PTPRD: variants seen among roughly 807,000 people sequenced by gnomAD.
PTPRD encodes the protein protein tyrosine phosphatase receptor type D.
A neutral mutation model predicts 214.5 loss-of-function variants in PTPRD; 34 were observed. The observed-to-expected ratio is 0.16, with a 90% CI of 0.12 to 0.21. PTPRD has a LOEUF of 0.21. Ranked by LOEUF, PTPRD falls within the 10% of genes least tolerant of loss-of-function variation. The pLI, the probability that PTPRD is intolerant of heterozygous loss-of-function variation, is 1.00. For synonymous variants in PTPRD, 1,128 were observed against 845.7 expected, an observed-to-expected ratio of 1.33 and a Z score of -5.79; for missense variants, 2,545 against 2,398.7, an observed-to-expected ratio of 1.06 and a Z score of -1.27.
At chr9:9,044,735 CT>C (rs1262332754) in intron 10 of PTPRD, among the ~76,000 whole-genome samples, 1 of 152,038 alleles carries the variant, frequency 6.6e-6, no homozygotes, top group East Asian at 1.9e-4. Context: ...AGTAATTACC[CT>C]TTAAACATTT....
intron 10 of PTPRD, among the ~76,000 whole-genome samples, chr9:9,178,568 C>G (rs2099926311): frequency 6.6e-6 from 1 of 152,038 alleles, no homozygotes; most frequent in Admixed American, 6.6e-5. Flanking sequence ...CTAATATTCT[C>G]TGACCATGTA....
At chr9:8,788,406 G>A (rs553881113) in intron 11 of PTPRD, among the ~76,000 whole-genome samples, 2 of 151,882 alleles carry the variant, frequency 1.3e-5, no homozygotes, top group African/African-American at 4.8e-5. Flanking sequence ...CTCCCGAGTA[G>A]CTGGGATTAC....
In PTPRD at chr9:8,776,989, T is replaced by C. The variant is rs552540120; in HGVS notation, c.-103-43043A>G. Among the ~76,000 whole-genome samples the C allele has an allele frequency of 2.7e-5, 4 of 149,120 alleles. No individual in the cohort carries two copies. The Admixed American group carries it at 2.7e-4, about 10-fold the overall frequency. On this transcript the variant is annotated intron_variant, in intron 11 of 45. Coordinates refer to ENST00000381196, the MANE Select transcript of PTPRD (RefSeq NM_002839.4). ...ATTCTATTCATATATATATACATTTTTTTCTTTTTTTGATATGGTCTTACT... is the reference window on the plus strand; with the variant it reads ...ATTCTATTCATATATATATACATTTCTTTCTTTTTTTGATATGGTCTTACT...
At chr9:8,465,889 T>A (rs1387344359) in intron 31 of PTPRD, among the ~76,000 whole-genome samples, 1 of 151,882 alleles carries the variant, frequency 6.6e-6, no homozygotes, top group African/African-American at 2.4e-5. Flanking sequence ...TGGACTGCTC[T>A]GACAAGGTCT....
At chr9:9,052,650 T>C (rs2099688455) in intron 10 of PTPRD, among the ~76,000 whole-genome samples, 1 of 152,200 alleles carries the variant, frequency 6.6e-6, no homozygotes, top group Non-Finnish European at 1.5e-5. Context: ...TCTCCCATTC[T>C]GTTACATAGC....
chr9:10,027,677 A>G lies in PTPRD; in HGVS notation c.-472+6041T>C, dbSNP rs143556209. On this transcript the variant is annotated intron_variant, in intron 4 of 45. Transcript: ENST00000381196. The stretch of plus-strand genomic sequence containing the variant: ...TTTGAGCATTGAACTTGTCATGGTT[A>G]TGGCAAAAAATACATTTTTTCTAAA... 2.1e-3 allele frequency among the ~76,000 whole-genome samples: 320 copies of G among 152,294 alleles called. 3 individuals are homozygous for G. The highest frequency in any genetic ancestry group is 0.015 in the South Asian group (71 of 4,818).
At chr9:9,291,888 GTATATA>G (rs141504829) in intron 9 of PTPRD, among the ~76,000 whole-genome samples, 1 of 143,370 alleles carries the variant, frequency 7.0e-6, no homozygotes, top group African/African-American at 2.6e-5. Context: ...TGTGTGTATG[GTATATA>G]TATATATATA....
chr9:8,452,533 T>G (rs896610585), intron 33 of PTPRD, among the ~76,000 whole-genome samples: 11 of 152,252 alleles, frequency 7.2e-5, no homozygotes, highest in Non-Finnish European at 1.6e-4. Context: ...CATTCTCATT[T>G]TCGATTTGAA....
At chr9:8,458,531 G>T (rs2096280454) in intron 33 of PTPRD, among the ~76,000 whole-genome samples, 1 of 152,076 alleles carries the variant, frequency 6.6e-6, no homozygotes, top group African/African-American at 2.4e-5. Flanking sequence ...AGTAGTATGT[G>T]ACTACCTAAA....
chr9:9,554,674 C>T (rs1017033098), intron 8 of PTPRD, among the ~76,000 whole-genome samples: 1 of 151,898 alleles, frequency 6.6e-6, no homozygotes, highest in African/African-American at 2.4e-5. Context: ...GAATTCAACT[C>T]CAGTGTCTTC....
intron 14 of PTPRD, among the ~76,000 whole-genome samples, chr9:8,566,136 G>GTGTGTC (rs2089048451): frequency 6.9e-6 from 1 of 145,188 alleles, no homozygotes; most frequent in African/African-American, 2.5e-5. Context: ...GTGTGTGTGT[G>GTGTGTC]TGTGTATAGC....
chr9:9,766,743 T>G (rs2098709753), intron 6 of PTPRD, 67 bp downstream of exon 6: 1 of 152,466 alleles, frequency 6.6e-6, no homozygotes, highest in African/African-American at 2.4e-5. Flanking sequence ...AGTAATATAA[T>G]TATTGTCATA....
At chr9:9,872,687 C>G (rs2065812832) in intron 5 of PTPRD, among the ~76,000 whole-genome samples, 1 of 152,072 alleles carries the variant, frequency 6.6e-6, no homozygotes, top group Admixed American at 6.6e-5. Context: ...GGACATAGCA[C>G]AGTGCCTGGT....
rs1280705010 is a variant in PTPRD at position 8,434,677 on chromosome 9, T to C, written c.4086+1915A>G. On this transcript the variant is annotated intron_variant, in intron 35 of 45. Coordinates refer to ENST00000381196, the MANE Select transcript of PTPRD (RefSeq NM_002839.4). Reference sequence around the variant, plus strand: ...AGCAGGGCTATGAAAAAATATCACATGGCAAAATAATAAGAATCATATAAC... The same window carrying C: ...AGCAGGGCTATGAAAAAATATCACACGGCAAAATAATAAGAATCATATAAC... 5.3e-5 allele frequency among the ~76,000 whole-genome samples: 8 copies of C among 152,274 alleles called. No homozygotes were observed. In the East Asian group the frequency reaches 1.5e-3, roughly 29 times the overall value.
At chr9:9,204,833 T>G (rs1175103967) in intron 9 of PTPRD, among the ~76,000 whole-genome samples, 2 of 152,132 alleles carry the variant, frequency 1.3e-5, no homozygotes, top group African/African-American at 4.8e-5. Flanking sequence ...CAGAACCATT[T>G]ATAAATGTCT....
At chr9:10,351,663 C>CTT (rs33924476) in intron 2 of PTPRD, among the ~76,000 whole-genome samples, 3,391 of 144,382 alleles carry the variant, frequency 0.023, 139 homozygotes, top group African/African-American at 0.081. Flanking sequence ...TTAATTCTAA[C>CTT]TTTTTTTTTT....
At chr9:9,127,289 C>T (rs1205237281) in intron 10 of PTPRD, among the ~76,000 whole-genome samples, 13 of 152,172 alleles carry the variant, frequency 8.5e-5, no homozygotes. Flanking sequence ...TTGCTTTTCT[C>T]ATCAATGTTA....
intron 9 of PTPRD, among the ~76,000 whole-genome samples, chr9:9,360,306 G>A (rs2055581859): frequency 6.6e-6 from 1 of 150,904 alleles, no homozygotes; most frequent in Non-Finnish European, 1.5e-5. Flanking sequence ...AATAAAAATA[G>A]GGCAGTCCTT....
At chr9:9,680,677 C>T (rs968415563) in intron 7 of PTPRD, among the ~76,000 whole-genome samples, 1 of 151,686 alleles carries the variant, frequency 6.6e-6, no homozygotes, top group African/African-American at 2.4e-5. Flanking sequence ...TGCCTAAGTA[C>T]CTTGACTCCC....
Sources: allele counts gnomAD v4.1 joint callset (sites outside exome capture counted in the v4.1 genomes callset), GRCh38; gene constraint gnomAD v4.1.1; transcripts MANE v1.5; gene names NCBI Gene and HGNC (gene_info 2026-07-23, HGNC 2026-07-21).